CDH9: variants seen among roughly 807,000 people sequenced by gnomAD.
The protein encoded by CDH9 is cadherin 9.
CDH9 carries 28 observed loss-of-function variants against 70.9 expected under a neutral mutation model. The observed-to-expected ratio is 0.40, with a 90% CI of 0.29 to 0.54. The LOEUF (loss-of-function observed/expected upper bound fraction) is 0.54. CDH9 is among the 20% of genes least tolerant of loss of function. The pLI, the probability that CDH9 is intolerant of heterozygous loss-of-function variation, is 0.59. For missense variants in CDH9, 874 were observed against 984.4 expected (o/e 0.89, Z 1.50); for synonymous variants, 409 against 343.1 (o/e 1.19, Z -2.12).
intron 2 of CDH9, among the ~76,000 whole-genome samples, chr5:26,937,655 G>A (rs76797419): frequency 0.015 from 2,280 of 152,194 alleles, 55 homozygotes; most frequent in African/African-American, 0.052. Context: ...ATAATGAGCT[G>A]TCAATCTACA....
At chr5:26,969,664 A>C (rs543119148) in intron 2 of CDH9, among the ~76,000 whole-genome samples, 2 of 152,184 alleles carry the variant, frequency 1.3e-5, no homozygotes, top group South Asian at 4.1e-4. Flanking sequence ...GAAATGTCAC[A>C]GAGAAGGGCT....
At chr5:26,933,482 A>T (rs1741500968) in intron 2 of CDH9, among the ~76,000 whole-genome samples, 1 of 146,430 alleles carries the variant, frequency 6.8e-6, no homozygotes, top group Non-Finnish European at 1.5e-5. Context: ...CAGGCTAACT[A>T]AAAAAAAAAG....
intron 2 of CDH9, among the ~76,000 whole-genome samples, chr5:26,980,670 A>G (rs1172038481): frequency 2.0e-4 from 31 of 152,034 alleles, no homozygotes; most frequent in Admixed American, 2.0e-3. Context: ...GTTTCTAAAC[A>G]AACAAACATG....
At chr5:26,965,031 A>G (rs1742105531) in intron 2 of CDH9, among the ~76,000 whole-genome samples, 2 of 152,138 alleles carry the variant, frequency 1.3e-5, no homozygotes, top group African/African-American at 4.8e-5. Flanking sequence ...TGTCTGTGGT[A>G]AAAACTTCCA....
At chr5:27,006,178 T>G (rs1742861430) in intron 1 of CDH9, among the ~76,000 whole-genome samples, 1 of 152,210 alleles carries the variant, frequency 6.6e-6, no homozygotes, top group African/African-American at 2.4e-5. Context: ...TAATAAAAGT[T>G]TTTTTAAAAA....
At chr5:26,988,632 T>C (rs1020670055) in intron 1 of CDH9, among the ~76,000 whole-genome samples, 1 of 151,904 alleles carries the variant, frequency 6.6e-6, no homozygotes, top group Non-Finnish European at 1.5e-5. Context: ...AACAATCAGA[T>C]ACATATTAAT....
chr5:26,942,603 C>T (rs1253976013), intron 2 of CDH9, among the ~76,000 whole-genome samples: 5 of 152,102 alleles, frequency 3.3e-5, no homozygotes. Flanking sequence ...AAGTTTGGTA[C>T]TGACTTTTGG....
intron 2 of CDH9, among the ~76,000 whole-genome samples, chr5:26,956,496 C>G (rs1282711188): frequency 6.6e-6 from 1 of 152,172 alleles, no homozygotes; most frequent in Admixed American, 6.5e-5. Flanking sequence ...CATCCTAAGG[C>G]TGTTTTCACA....
intron 11 of CDH9, among the ~76,000 whole-genome samples, chr5:26,883,040 CTTATATAT>C (rs1345286426): frequency 1.4e-3 from 40 of 28,370 alleles, no homozygotes; most frequent in African/African-American, 5.3e-3. Context: ...TCAGGATCAT[CTTATATAT>C]ATATATATAT....
At chr5:26,916,091 T>C (rs567076435) in intron 2 of CDH9, among the ~76,000 whole-genome samples, 167 bp from the exon 3 acceptor site, 6 of 152,124 alleles carry the variant, frequency 3.9e-5, no homozygotes, top group Admixed American at 3.3e-4. Context: ...CAGTTCTTAT[T>C]ACACTCAAAA....
chr5:26,918,347 G>A (rs1217521039), intron 2 of CDH9, among the ~76,000 whole-genome samples: 1 of 152,082 alleles, frequency 6.6e-6, no homozygotes, highest in Non-Finnish European at 1.5e-5. Context: ...GCCTGCTCTT[G>A]ACTTACATAG....
chr5:26,895,594 T>C (rs1430887816), intron 7 of CDH9, among the ~76,000 whole-genome samples: 2 of 152,050 alleles, frequency 1.3e-5, no homozygotes, highest in East Asian at 3.9e-4. Flanking sequence ...AGGCAACATG[T>C]TATTTCAGAT....
At chr5:26,904,026 T>C (rs576397505) in intron 5 of CDH9, among the ~76,000 whole-genome samples, 1 of 152,036 alleles carries the variant, frequency 6.6e-6, no homozygotes, top group Admixed American at 6.6e-5. Flanking sequence ...AAATGAGAAG[T>C]GTAAGTCCCA....
chr5:26,994,041 C>T (rs573956625), intron 1 of CDH9, among the ~76,000 whole-genome samples: 1 of 152,268 alleles, frequency 6.6e-6, no homozygotes, highest in Non-Finnish European at 1.5e-5. Flanking sequence ...TTCCTTCTTT[C>T]TTATTCCTCC....
rs1009654919 is a variant in CDH9, at chr5:27,032,032, T to A, written c.-50+6431A>T. On this transcript the variant is annotated intron_variant, in intron 1 of 11. Transcript: ENST00000231021. ...ATTGAAAAACCAAGTTTAACAAAGG[T>A]CACAGGTCCAAAGTTGTGAGGGTGA... 3.3e-5 allele frequency among the ~76,000 whole-genome samples: 5 copies of A among 151,808 alleles called. No homozygotes were observed. The East Asian group carries it at 9.7e-4, about 29-fold the overall frequency.
chr5:26,981,893 A>AT (rs1269643059), intron 2 of CDH9, among the ~76,000 whole-genome samples: 14 of 151,950 alleles, frequency 9.2e-5, no homozygotes, highest in Admixed American at 9.2e-4. Flanking sequence ...TGATTTTTAA[A>AT]TTTTATGTTC....
intron 2 of CDH9, among the ~76,000 whole-genome samples, chr5:26,987,346 T>C (rs1372021346): frequency 1.3e-5 from 2 of 151,848 alleles, no homozygotes; most frequent in East Asian, 1.9e-4. Context: ...TTGTCCTGAG[T>C]TTAGAATAGT....
chr5:26,910,413 A>G (rs991064568), intron 3 of CDH9, among the ~76,000 whole-genome samples: 1 of 152,198 alleles, frequency 6.6e-6, no homozygotes, highest in African/African-American at 2.4e-5. Context: ...TCTTTAACAA[A>G]CAGCAACTTT....
At chr5:26,925,130 G>A (rs1741313984) in intron 2 of CDH9, among the ~76,000 whole-genome samples, 1 of 152,154 alleles carries the variant, frequency 6.6e-6, no homozygotes, top group South Asian at 2.1e-4. Flanking sequence ...TTGCCACACT[G>A]TCTTCCACAA....
Sources: gnomAD v4.1 joint callset for allele counts (sites outside exome capture counted in the v4.1 genomes callset) on GRCh38, gnomAD v4.1.1 for gene constraint, MANE v1.5 for transcripts, NCBI Gene and HGNC (gene_info 2026-07-23, HGNC 2026-07-21) for gene names.